Variants in PCDHGA7 observed in about 807,000 individuals in gnomAD.
PCDHGA7 encodes the protein protocadherin gamma subfamily A, 7, also known as protocadherin gamma-A7.
A neutral mutation model predicts 58.3 loss-of-function variants in PCDHGA7; 44 were observed. That is an observed-to-expected ratio of 0.75 (90% confidence interval 0.59 to 0.97). PCDHGA7 has a LOEUF of 0.97. PCDHGA7 is among the 50% of genes least tolerant of loss of function. The probability of loss-of-function intolerance (pLI) is 0.00; values close to 1 mark genes in which losing one functional copy is unlikely to be tolerated. For missense variants in PCDHGA7, 1,266 were observed against 1,188.7 expected (o/e 1.06, Z -0.96); for synonymous variants, 516 against 504.2 (o/e 1.02, Z -0.31).
chr5:141,490,726 AATCAGG>A lies in PCDHGA7; in HGVS notation c.2425-4080_2425-4075del. The A allele has an allele frequency of 6.2e-7, 1 of 1,614,202 alleles. No homozygotes were observed. The highest frequency in any genetic ancestry group is 8.5e-7 in the Non-Finnish European group (1 of 1,180,032). On this transcript the variant is annotated intron_variant, in intron 1 of 3. Transcript: ENST00000518325. This position sits in a 1 kb window ranked among gnomAD's most constrained non-coding sequence, Gnocchi z 5.4. Reference sequence around the variant, plus strand: ...CCGCCTCACCTACTCCATTGTAGGAAATCAGGTTCAGGGAGCCCCAGCCTCCTCCTT... The same window carrying A: ...CCGCCTCACCTACTCCATTGTAGGAATTCAGGGAGCCCCAGCCTCCTCCTT...
chr5:141,431,582 G>A lies in PCDHGA7; in HGVS notation c.2424+46259G>A. On this transcript the variant is annotated intron_variant, in intron 1 of 3. Coordinates refer to ENST00000518325, the MANE Select transcript of PCDHGA7 (RefSeq NM_018920.4). The surrounding 1 kb of genome is among the most constrained non-coding windows in gnomAD (Gnocchi z 4.8). Reference sequence around the variant, plus strand: ...TACCGACCCTGACGAAGGAGTCAATGCGGAAGTGAGGTATTCCTTCCGGTA... The same window carrying A: ...TACCGACCCTGACGAAGGAGTCAATACGGAAGTGAGGTATTCCTTCCGGTA... The A allele has an allele frequency of 6.2e-7, 1 of 1,614,210 alleles. No homozygotes were observed. Among genetic ancestry groups the A allele is most frequent in the Non-Finnish European group, 8.5e-7 (1 of 1,180,036 alleles).
chr5:141,476,083 T>C lies in PCDHGA7; in HGVS notation c.2425-18724T>C. 1 of 1,547,886 alleles carries C rather than the reference T, an allele frequency of 6.5e-7. No homozygotes were observed. The highest frequency in any genetic ancestry group is 8.7e-7 in the Non-Finnish European group (1 of 1,153,242). The stretch of plus-strand genomic sequence containing the variant: ...TCTCAGCGAAATCTCAGGGACGATC[T>C]GGACCCCGCTGAGAGGAACTGCTTT... On this transcript the variant is annotated intron_variant, in intron 1 of 3. Coordinates refer to ENST00000518325, the MANE Select transcript of PCDHGA7 (RefSeq NM_018920.4). This position sits in a 1 kb window ranked among gnomAD's most constrained non-coding sequence, Gnocchi z 7.6.
In PCDHGA7 at chr5:141,493,985, C is replaced by A. The variant is rs1444608753; in HGVS notation, c.2425-822C>A. On this transcript the variant is annotated intron_variant, in intron 1 of 3. Coordinates refer to ENST00000518325, the MANE Select transcript of PCDHGA7 (RefSeq NM_018920.4). This position sits in a 1 kb window ranked among gnomAD's most constrained non-coding sequence, Gnocchi z 4.3. ...GCTGGCCAGAGCCCCACACCTTCAGCTAGGTGGGAGATGGCTACACATCAG... is the reference window on the plus strand; with the variant it reads ...GCTGGCCAGAGCCCCACACCTTCAGATAGGTGGGAGATGGCTACACATCAG... Among the ~76,000 whole-genome samples the A allele has an allele frequency of 6.6e-6, 1 of 152,196 alleles. No individual in the cohort carries two copies. The highest frequency in any genetic ancestry group is 1.5e-5 in the Non-Finnish European group (1 of 68,032).
At chr5:141,394,689 G>A (rs1354749268) in intron 1 of PCDHGA7, 4 of 1,612,344 alleles carry the variant, frequency 2.5e-6, no homozygotes, top group Non-Finnish European at 3.4e-6. Flanking sequence ...CACGGGCGAG[G>A]TGCGCACGGC....
Position 141,489,173 on chromosome 5 carries a change from C to T in PCDHGA7, c.2425-5634C>T. 8.3e-7 allele frequency: 1 copy of T among 1,208,434 alleles called. No individual in the cohort carries two copies. Among genetic ancestry groups the T allele is most frequent in the Non-Finnish European group, 1.2e-6 (1 of 860,944 alleles). The allele number at this position is 1,208,434 out of a possible 1,614,324, so 74.9% of individuals were successfully genotyped here. ...CATAAGAGACTTCAGCTGCTGCATTCCAAGCCCTGGGTCTACCTTGGAGAC... is the reference window on the plus strand; with the variant it reads ...CATAAGAGACTTCAGCTGCTGCATTTCAAGCCCTGGGTCTACCTTGGAGAC... On this transcript the variant is annotated intron_variant, in intron 1 of 3. Coordinates refer to ENST00000518325, the MANE Select transcript of PCDHGA7 (RefSeq NM_018920.4). The surrounding 1 kb of genome is among the most constrained non-coding windows in gnomAD (Gnocchi z 4.5).
At chr5:141,402,037 G>A (rs749684542) in intron 1 of PCDHGA7, among the ~76,000 whole-genome samples, 24 of 152,118 alleles carry the variant, frequency 1.6e-4, no homozygotes, top group Non-Finnish European at 2.9e-4. Flanking sequence ...CACAGTCTGT[G>A]CATGCATTAC....
Position 141,491,509 on chromosome 5 carries a change from C to T in PCDHGA7, c.2425-3298C>T. 6.2e-7 allele frequency: 1 copy of T among 1,614,058 alleles called. No individual in the cohort carries two copies. Among genetic ancestry groups the T allele is most frequent in the Non-Finnish European group, 8.5e-7 (1 of 1,180,022 alleles). On this transcript the variant is annotated intron_variant, in intron 1 of 3. Coordinates refer to ENST00000518325, the MANE Select transcript of PCDHGA7 (RefSeq NM_018920.4). The surrounding 1 kb of genome is among the most constrained non-coding windows in gnomAD (Gnocchi z 6.9). Reference sequence around the variant, plus strand: ...CCTGCAGGTGAGCTCGGACGGCACGCTCAAGTACATGGAGGTGACGCTGCG... The same window carrying T: ...CCTGCAGGTGAGCTCGGACGGCACGTTCAAGTACATGGAGGTGACGCTGCG...
intron 1 of PCDHGA7, chr5:141,419,492 A>G: frequency 6.2e-7 from 1 of 1,612,358 alleles, no homozygotes; most frequent in South Asian, 1.1e-5. Flanking sequence ...GCTCAGCGCC[A>G]ATGTGAGCCT....
intron 1 of PCDHGA7, chr5:141,478,229 T>C: frequency 6.2e-7 from 1 of 1,614,074 alleles, no homozygotes; most frequent in Non-Finnish European, 8.5e-7. Flanking sequence ...TTCTGTGGGG[T>C]TTGTGGTCAC....
At chr5:141,447,576 A>G (rs758449068) in intron 1 of PCDHGA7, among the ~76,000 whole-genome samples, 6 of 152,214 alleles carry the variant, frequency 3.9e-5, no homozygotes, top group African/African-American at 7.2e-5. Context: ...CTATGTCCAC[A>G]CATACCTTAA....
intron 1 of PCDHGA7, among the ~76,000 whole-genome samples, chr5:141,482,843 G>A (rs1005014887): frequency 7.1e-6 from 1 of 140,154 alleles, no homozygotes; most frequent in Non-Finnish European, 1.5e-5. Flanking sequence ...AGGCCAAGGT[G>A]GGCAGATCAC....
Position 141,490,311 on chromosome 5 carries a change from C to T in PCDHGA7, c.2425-4496C>T. 6.2e-7 allele frequency: 1 copy of T among 1,614,200 alleles called. No individual in the cohort carries two copies. The highest frequency in any genetic ancestry group is 8.5e-7 in the Non-Finnish European group (1 of 1,180,018). On this transcript the variant is annotated intron_variant, in intron 1 of 3. Coordinates refer to ENST00000518325, the MANE Select transcript of PCDHGA7 (RefSeq NM_018920.4). This position sits in a 1 kb window ranked among gnomAD's most constrained non-coding sequence, Gnocchi z 5.4. ...AGGTGCTATTGGCCTCTTTGGCCAA[C>T]CCTGTCCTAGAGAGCACACCAGTGG...
intron 1 of PCDHGA7, among the ~76,000 whole-genome samples, chr5:141,445,711 G>A (rs978623618): frequency 1.3e-5 from 2 of 152,202 alleles, no homozygotes; most frequent in African/African-American, 4.8e-5. Context: ...TTGTCAGGCA[G>A]AGGAAATAGC....
rs57426385 is a variant in PCDHGA7, at chr5:141,415,740, G to GTTTTTTTTTTTTT, written c.2424+30437_2424+30449dup. ...TGAGTAGAATTTGATGTTTATTAAGGTTTTTTTTTTTTTTTTTTTTTTTTT... is the reference window on the plus strand; with the variant it reads ...TGAGTAGAATTTGATGTTTATTAAGGTTTTTTTTTTTTTTTTTTTTTTTTTTTTTTTTTTTTTT... On this transcript the variant is annotated intron_variant, in intron 1 of 3. Coordinates refer to ENST00000518325, the MANE Select transcript of PCDHGA7 (RefSeq NM_018920.4). The GTTTTTTTTTTTTT allele has an allele frequency of 2.5e-4, 159 of 625,022 alleles. 3 individuals carry two copies. Among genetic ancestry groups the GTTTTTTTTTTTTT allele is most frequent in the Admixed American group, 5.7e-4 (8 of 14,124 alleles). 38.7% of individuals were successfully genotyped at this position (625,022 alleles called of 1,614,324 possible).
In PCDHGA7 at chr5:141,432,688, A is replaced by T; in HGVS notation, c.2424+47365A>T. 1 of 1,613,896 alleles carries T rather than the reference A, an allele frequency of 6.2e-7. No homozygotes were observed. The highest frequency in any genetic ancestry group is 1.1e-5 in the South Asian group (1 of 91,078). ...GAGACGCGCTCAAGCAGAGCCTCGTAGTGGCCGTCCAGGACCACGGCCAGC... is the reference window on the plus strand; with the variant it reads ...GAGACGCGCTCAAGCAGAGCCTCGTTGTGGCCGTCCAGGACCACGGCCAGC... On this transcript the variant is annotated intron_variant, in intron 1 of 3. Transcript: ENST00000518325. This position sits in a 1 kb window ranked among gnomAD's most constrained non-coding sequence, Gnocchi z 6.0.
At chr5:141,459,315 T>C (rs2154566534) in intron 1 of PCDHGA7, among the ~76,000 whole-genome samples, 1 of 152,362 alleles carries the variant, frequency 6.6e-6, no homozygotes, top group East Asian at 1.9e-4. Context: ...CTATTTTGTA[T>C]CCATCTTCTT....
At chr5:141,451,049 C>T (rs538627151) in intron 1 of PCDHGA7, among the ~76,000 whole-genome samples, 1 of 151,422 alleles carries the variant, frequency 6.6e-6, no homozygotes, top group African/African-American at 2.4e-5. Context: ...AGGCTGGTCT[C>T]GAACTCCTGA....
intron 1 of PCDHGA7, chr5:141,394,736 C>A: frequency 6.2e-7 from 1 of 1,613,456 alleles, no homozygotes; most frequent in Non-Finnish European, 8.5e-7. Flanking sequence ...TCAAGCAGAG[C>A]CTCGTGGTGG....
Position 141,399,778 on chromosome 5 carries a change from C to G in PCDHGA7, c.2424+14455C>G, listed in dbSNP as rs187080333. ...GAGCCTGCGCGTGTTGGTGGGCGACCGAAACGACAACGCACCGCGGGTGCT... is the reference window on the plus strand; with the variant it reads ...GAGCCTGCGCGTGTTGGTGGGCGACGGAAACGACAACGCACCGCGGGTGCT... On this transcript the variant is annotated intron_variant, in intron 1 of 3. Coordinates refer to ENST00000518325, the MANE Select transcript of PCDHGA7 (RefSeq NM_018920.4). The G allele has an allele frequency of 3.4e-4, 542 of 1,613,250 alleles. 2 individuals are homozygous for G. The African/African-American group carries it at 5.6e-3, about 17-fold the overall frequency.
Sources: gnomAD v4.1 joint callset for allele counts (sites outside exome capture counted in the v4.1 genomes callset) on GRCh38, gnomAD v4.1.1 for gene constraint, Gnocchi (gnomAD v3.1) non-coding constraint, MANE v1.5 for transcripts, NCBI Gene and HGNC (gene_info 2026-07-23, HGNC 2026-07-21) for gene names.